FRMD4A: variants seen among roughly 807,000 people sequenced by gnomAD.
FRMD4A encodes FERM domain-containing protein 4A.
Under a neutral mutation model 129.1 loss-of-function variants are expected in FRMD4A, and 29 were observed. The observed-to-expected ratio is 0.22, with a 90% CI of 0.17 to 0.31. The LOEUF is 0.31. Ranked by LOEUF, FRMD4A falls within the 10% of genes least tolerant of loss-of-function variation. The probability of loss-of-function intolerance (pLI) is 1.00; values close to 1 mark genes in which losing one functional copy is unlikely to be tolerated. For synonymous variants in FRMD4A, 634 were observed against 571.6 expected (o/e 1.11, Z -1.56); for missense variants, 1,272 against 1,375.8 (o/e 0.92, Z 1.19).
chr10:14,116,609 G>T (rs561652232), intron 2 of FRMD4A, among the ~76,000 whole-genome samples: 1 of 152,170 alleles, frequency 6.6e-6, no homozygotes, highest in South Asian at 2.1e-4. Flanking sequence ...AGGAGACTCA[G>T]TGGGTTACAG....
chr10:13,906,747 C>T (rs572980985), intron 2 of FRMD4A, among the ~76,000 whole-genome samples: 2 of 152,310 alleles, frequency 1.3e-5, no homozygotes, highest in East Asian at 1.9e-4. Context: ...CTGTGCCCTA[C>T]ATTCCAATTC....
chr10:14,281,918 T>C (rs1431083810), intron 2 of FRMD4A, among the ~76,000 whole-genome samples: 1 of 152,164 alleles, frequency 6.6e-6, no homozygotes, highest in Non-Finnish European at 1.5e-5. Context: ...ATTTTTACAT[T>C]GCTGATAAAG....
At chr10:14,268,000 A>C (rs1218342) in intron 2 of FRMD4A, among the ~76,000 whole-genome samples, 1 of 152,050 alleles carries the variant, frequency 6.6e-6, no homozygotes, top group Non-Finnish European at 1.5e-5. Flanking sequence ...TGGGTTTTAA[A>C]ATTTATAAAA....
Position 13,674,983 on chromosome 10 carries a change from G to T in FRMD4A, c.1179C>A (p.Ser393=). ...GGGTTTCCTCCAGAGCTTCCTGCCT[G>T]GACTTCAAGGCAGCCAGCATGTCCT... ...AKKDMLAALK[S]RQEALEETLR... The change falls in exon 16 of 25, where the codon TCC becomes TCA. Residue 393 remains serine, a synonymous_variant. Coordinates refer to ENST00000357447, the MANE Select transcript of FRMD4A (RefSeq NM_018027.5). 6.2e-7 allele frequency: 1 copy of T among 1,613,208 alleles called. No individual in the cohort carries two copies. Among genetic ancestry groups the T allele is most frequent in the South Asian group, 1.1e-5 (1 of 91,054 alleles).
intron 2 of FRMD4A, among the ~76,000 whole-genome samples, chr10:14,121,470 C>G (rs1370055611): frequency 2.6e-5 from 4 of 152,192 alleles, no homozygotes; most frequent in African/African-American, 9.7e-5. Flanking sequence ...TAACAAGCCA[C>G]CAGGTGATGC....
intron 15 of FRMD4A, among the ~76,000 whole-genome samples, chr10:13,678,611 C>G (rs142969088): frequency 3.3e-5 from 5 of 152,206 alleles, no homozygotes; most frequent in Non-Finnish European, 5.9e-5. Flanking sequence ...CGCACGCGCA[C>G]GCACACACGT....
At chr10:14,312,466 A>G (rs949534646) in intron 2 of FRMD4A, among the ~76,000 whole-genome samples, 1 of 152,234 alleles carries the variant, frequency 6.6e-6, no homozygotes, top group African/African-American at 2.4e-5. Context: ...TTAAAATGAT[A>G]TACCTTTGAT....
intron 2 of FRMD4A, among the ~76,000 whole-genome samples, chr10:13,883,973 T>A (rs2094575222): frequency 6.6e-6 from 1 of 152,086 alleles, no homozygotes; most frequent in Non-Finnish European, 1.5e-5. Flanking sequence ...TATTTAACAT[T>A]TAGAAGGTTA....
rs188553507 is a variant in FRMD4A at position 13,968,804 on chromosome 10, T to C, written c.46-109892A>G. On this transcript the variant is annotated intron_variant, in intron 2 of 24. Coordinates refer to ENST00000357447, the MANE Select transcript of FRMD4A (RefSeq NM_018027.5). ...GCATGAAGCTATCATTCCCATTCTG[T>C]AATGGAGAAAGCAAAGGCTAGGAGT... Among the ~76,000 whole-genome samples the C allele has an allele frequency of 3.2e-4, 48 of 151,948 alleles. No homozygotes were observed. The East Asian group carries it at 8.9e-3, about 28-fold the overall frequency.
At chr10:14,205,566 G>A (rs1433734721) in intron 2 of FRMD4A, among the ~76,000 whole-genome samples, 1 of 152,084 alleles carries the variant, frequency 6.6e-6, no homozygotes, top group Non-Finnish European at 1.5e-5. Flanking sequence ...CAGCACTTTG[G>A]GAGGCCGAGG....
At chr10:13,974,997 CTGTG>C (rs567707241) in intron 2 of FRMD4A, among the ~76,000 whole-genome samples, 6,859 of 150,214 alleles carry the variant, frequency 0.046, 211 homozygotes, top group Non-Finnish European at 0.069. Flanking sequence ...GTGTGTGTGT[CTGTG>C]TGAGTGCATG....
At chr10:14,042,893 C>A (rs1361552817) in intron 2 of FRMD4A, among the ~76,000 whole-genome samples, 3 of 141,118 alleles carry the variant, frequency 2.1e-5, no homozygotes, top group Admixed American at 7.5e-5. Flanking sequence ...CCACTGCACT[C>A]CAGCCTGGGT....
At chr10:14,119,381 C>T (rs1424783772) in intron 2 of FRMD4A, among the ~76,000 whole-genome samples, 1 of 152,134 alleles carries the variant, frequency 6.6e-6, no homozygotes, top group Admixed American at 6.5e-5. Context: ...GGGGCCAAAC[C>T]CCAGGTACCT....
intron 2 of FRMD4A, among the ~76,000 whole-genome samples, chr10:14,191,371 A>C (rs921104676): frequency 6.6e-6 from 1 of 152,222 alleles, no homozygotes; most frequent in East Asian, 1.9e-4. Context: ...TAATGGGGTC[A>C]AAGGTGAACA....
At chr10:13,764,494 C>A (rs1199374954) in intron 6 of FRMD4A, among the ~76,000 whole-genome samples, 1 of 136,080 alleles carries the variant, frequency 7.3e-6, no homozygotes, top group Admixed American at 8.0e-5. Context: ...GACAGAGAGA[C>A]CCTGCCTCAA....
intron 2 of FRMD4A, among the ~76,000 whole-genome samples, chr10:14,089,629 AC>A (rs869085648): frequency 0.019 from 453 of 23,232 alleles, 4 homozygotes; most frequent in African/African-American, 0.047. Flanking sequence ...AAAAAAAAAA[AC>A]AAAAAAAAAC....
At chr10:14,182,557 AT>A (rs796855041) in intron 2 of FRMD4A, among the ~76,000 whole-genome samples, 45 of 150,768 alleles carry the variant, frequency 3.0e-4, no homozygotes, top group African/African-American at 5.4e-4. Flanking sequence ...CAAGACAAAA[AT>A]TTTTTTTTTC....
chr10:14,284,431 G>GAGATC (rs1845617010), intron 2 of FRMD4A, among the ~76,000 whole-genome samples: 2 of 152,098 alleles, frequency 1.3e-5, no homozygotes, highest in Admixed American at 1.3e-4. Context: ...GATGGATCAC[G>GAGATC]AGATCAGGAC....
At chr10:13,689,856 CTGGGG>C (rs1343541287) in intron 15 of FRMD4A, among the ~76,000 whole-genome samples, 1 of 151,928 alleles carries the variant, frequency 6.6e-6, no homozygotes, top group East Asian at 1.9e-4. Flanking sequence ...AGCCACTGTG[CTGGGG>C]TGAATATTCC....
Sources: gnomAD v4.1 joint callset for allele counts (sites outside exome capture counted in the v4.1 genomes callset) on GRCh38, gnomAD v4.1.1 for gene constraint, MANE v1.5 for transcripts, NCBI Gene and HGNC (gene_info 2026-07-23, HGNC 2026-07-21) for gene names.